The following PTPRR variants were observed in gnomAD, a reference collection of about 807,000 sequenced individuals.
PTPRR encodes the protein protein tyrosine phosphatase receptor type R, also known as receptor-type tyrosine-protein phosphatase R.
In PTPRR, 38 loss-of-function variants were observed where a neutral mutation model predicts 77.2. The observed-to-expected ratio is 0.49, with a 90% CI of 0.38 to 0.65. PTPRR has a LOEUF of 0.65. Ranked by LOEUF, PTPRR falls within the 30% of genes least tolerant of loss-of-function variation. The pLI, the probability that PTPRR is intolerant of heterozygous loss-of-function variation, is 0.00. For missense variants in PTPRR, 744 were observed against 799.2 expected, an observed-to-expected ratio of 0.93 and a Z score of 0.83; for synonymous variants, 299 against 283.1, an observed-to-expected ratio of 1.06 and a Z score of -0.57.
intron 6 of PTPRR, among the ~76,000 whole-genome samples, chr12:70,714,405 A>G (rs1472032960): frequency 6.6e-6 from 1 of 152,170 alleles, no homozygotes; most frequent in African/African-American, 2.4e-5. Flanking sequence ...AATTTGGGTT[A>G]TGTACCCTTC....
At chr12:70,867,025 T>C (rs988899288) in intron 2 of PTPRR, among the ~76,000 whole-genome samples, 8 of 151,578 alleles carry the variant, frequency 5.3e-5, no homozygotes, top group Non-Finnish European at 1.0e-4. Context: ...AATTAGGTAT[T>C]GGTAGGACGT....
intron 6 of PTPRR, among the ~76,000 whole-genome samples, chr12:70,717,944 T>C (rs1007471555): frequency 6.6e-6 from 1 of 152,254 alleles, no homozygotes; most frequent in Non-Finnish European, 1.5e-5. Flanking sequence ...TAAAACCTGA[T>C]AATTGGTCAG....
intron 13 of PTPRR, among the ~76,000 whole-genome samples, chr12:70,640,062 T>A (rs1424833605): frequency 6.6e-6 from 1 of 152,226 alleles, no homozygotes; most frequent in Non-Finnish European, 1.5e-5. Flanking sequence ...ACCCTCCTTG[T>A]CAATGGATTC....
rs572729182 is a variant in PTPRR, at chr12:70,876,988, C to T, written c.357+15691G>A. ...TGGGTGTCTCACAAGAAGGGTGGAC[C>T]ACGGTGACATGAAAAGCTATCACCA... On this transcript the variant is annotated intron_variant, in intron 2 of 13. Transcript: ENST00000283228. Among the ~76,000 whole-genome samples the T allele has an allele frequency of 1.9e-4, 29 of 152,218 alleles. No homozygotes were observed. In the South Asian group the frequency reaches 5.2e-3, roughly 27 times the overall value.
intron 5 of PTPRR, among the ~76,000 whole-genome samples, chr12:70,750,977 C>T (rs1890376428): frequency 6.7e-6 from 1 of 150,320 alleles, no homozygotes; most frequent in Non-Finnish European, 1.5e-5. Context: ...TGGGCTTATG[C>T]AATTCCCCTG....
At chr12:70,907,073 C>G (rs1414331409) in intron 1 of PTPRR, 1 of 152,114 alleles carries the variant, frequency 6.6e-6, no homozygotes, top group Non-Finnish European at 1.5e-5. Flanking sequence ...TTTCTAAGAT[C>G]CAGTCTACAC....
chr12:70,672,328 C>T, intron 10 of PTPRR: 1 of 1,550,202 alleles, frequency 6.5e-7, no homozygotes, highest in Non-Finnish European at 8.9e-7. Context: ...GCAAGTTTGC[C>T]AACTCCATTG....
chr12:70,826,854 C>T (rs893086506), intron 2 of PTPRR, among the ~76,000 whole-genome samples: 1 of 152,126 alleles, frequency 6.6e-6, no homozygotes, highest in Non-Finnish European at 1.5e-5. Flanking sequence ...TGGATCTGAT[C>T]CCTCCTCCTC....
intron 6 of PTPRR, among the ~76,000 whole-genome samples, chr12:70,704,035 C>G (rs1267368826): frequency 6.6e-6 from 1 of 152,086 alleles, no homozygotes; most frequent in Non-Finnish European, 1.5e-5. Flanking sequence ...CTAGAGTTCT[C>G]TTGTATAAAA....
intron 3 of PTPRR, among the ~76,000 whole-genome samples, chr12:70,762,985 C>A (rs1890726926): frequency 6.6e-6 from 1 of 151,976 alleles, no homozygotes; most frequent in Admixed American, 6.6e-5. Context: ...GCTCATTAAA[C>A]CTAATATGTA....
At chr12:70,796,084 C>T (rs1054010175) in intron 2 of PTPRR, among the ~76,000 whole-genome samples, 7 of 151,692 alleles carry the variant, frequency 4.6e-5, no homozygotes, top group South Asian at 2.1e-4. Flanking sequence ...CCATGAAGCC[C>T]GACTAATCTT....
rs562307080 is a variant in PTPRR, at chr12:70,871,213, G to C, written c.357+21466C>G. 7.9e-5 allele frequency among the ~76,000 whole-genome samples: 12 copies of C among 152,330 alleles called. No homozygotes were observed. In the East Asian group the frequency reaches 2.3e-3, roughly 29 times the overall value. On this transcript the variant is annotated intron_variant, in intron 2 of 13. Coordinates refer to ENST00000283228, the MANE Select transcript of PTPRR (RefSeq NM_002849.4). ...GGGCTAACTTTAGCTGATAGGCTGT[G>C]ATGTGTAGCCCCTCTGGCAAATGGG...
In PTPRR at chr12:70,638,915, C is replaced by A; in HGVS notation, c.*269G>T. 1.2e-5 allele frequency: 5 copies of A among 426,980 alleles called. No homozygotes were observed. Among genetic ancestry groups the A allele is most frequent in the Non-Finnish European group, 2.1e-5 (5 of 235,500 alleles). The allele number at this position is 426,980 out of a possible 1,614,324, so 26.4% of individuals were successfully genotyped here. A position where few individuals can be genotyped will look rare whatever the true frequency, so the allele number is the denominator to read the frequency against. On this transcript the variant is annotated 3_prime_UTR_variant, in exon 14 of 14. Transcript: ENST00000283228. ...GCAGATAGAGTCAGTACAGACAAAA[C>A]AAAATCTGCCTTAGGCTGTGTGATA...
chr12:70,887,749 A>T (rs1893265481), intron 2 of PTPRR, among the ~76,000 whole-genome samples: 1 of 152,014 alleles, frequency 6.6e-6, no homozygotes, highest in Non-Finnish European at 1.5e-5. Context: ...CAGGGAGTCA[A>T]GGAGAGGTGG....
At chr12:70,695,695 T>G (rs535140596) in intron 8 of PTPRR, among the ~76,000 whole-genome samples, 2 of 152,204 alleles carry the variant, frequency 1.3e-5, no homozygotes, top group Non-Finnish European at 2.9e-5. Context: ...TGGAGGTATA[T>G]TCCCTTATTA....
intron 2 of PTPRR, among the ~76,000 whole-genome samples, chr12:70,862,094 G>C (rs147680228): frequency 3.3e-5 from 5 of 152,092 alleles, no homozygotes; most frequent in African/African-American, 1.2e-4. Context: ...AGAAAGTAAG[G>C]TAGTTGTTCA....
chr12:70,754,415 C>G, intron 4 of PTPRR, 114 bp from the exon 5 acceptor site: 1 of 1,565,522 alleles, frequency 6.4e-7, no homozygotes, highest in East Asian at 2.3e-5. Context: ...GTGCAACACA[C>G]CTACACCCCC....
chr12:70,754,946 A>G (rs1428086188), intron 4 of PTPRR, among the ~76,000 whole-genome samples: 1 of 152,178 alleles, frequency 6.6e-6, no homozygotes, highest in African/African-American at 2.4e-5. Flanking sequence ...TTATTTGTCA[A>G]TAAAAGGTAG....
At chr12:70,858,249 C>A (rs1232120690) in intron 2 of PTPRR, among the ~76,000 whole-genome samples, 1 of 152,130 alleles carries the variant, frequency 6.6e-6, no homozygotes, top group Non-Finnish European at 1.5e-5. Flanking sequence ...ACTCTTCCCA[C>A]CTATTTCTGC....
Sources: gnomAD v4.1 joint callset for allele counts (sites outside exome capture counted in the v4.1 genomes callset) on GRCh38, gnomAD v4.1.1 for gene constraint, MANE v1.5 for transcripts, NCBI Gene and HGNC (gene_info 2026-07-23, HGNC 2026-07-21) for gene names.